Variants in DSCAM observed in about 807,000 individuals in gnomAD.
The protein encoded by DSCAM is DS cell adhesion molecule.
DSCAM carries 47 observed loss-of-function variants against 217.7 expected under a neutral mutation model. The observed-to-expected ratio is 0.22, with a 90% CI of 0.17 to 0.28. DSCAM has a LOEUF of 0.28. DSCAM is among the 10% of genes least tolerant of loss of function. The pLI, the probability that DSCAM is intolerant of heterozygous loss-of-function variation, is 1.00. For missense variants in DSCAM, 2,080 were observed against 2,618.3 expected (o/e 0.79, Z 4.49); for synonymous variants, 1,056 against 1,015.3 (o/e 1.04, Z -0.76).
intron 30 of DSCAM, among the ~76,000 whole-genome samples, chr21:40,047,762 A>G (rs897680868): frequency 1.3e-5 from 2 of 152,176 alleles, no homozygotes; most frequent in Non-Finnish European, 2.9e-5. Flanking sequence ...TCATGTAACT[A>G]AAAAATATTT....
At chr21:40,060,343 T>C (rs948935604) in intron 28 of DSCAM, among the ~76,000 whole-genome samples, 3 of 152,178 alleles carry the variant, frequency 2.0e-5, no homozygotes, top group Non-Finnish European at 2.9e-5. Flanking sequence ...CTCTAGAATA[T>C]GAGGAGAAGA....
At chr21:40,073,988 C>G (rs2089330391) in intron 27 of DSCAM, among the ~76,000 whole-genome samples, 1 of 152,136 alleles carries the variant, frequency 6.6e-6, no homozygotes, top group South Asian at 2.1e-4. Flanking sequence ...AGAGCAAAAG[C>G]AAGTTGATAG....
At chr21:40,141,975 T>TACACACACACACAC (rs72076559) in intron 18 of DSCAM, among the ~76,000 whole-genome samples, 6,579 of 142,986 alleles carry the variant, frequency 0.046, 229 homozygotes, top group Admixed American at 0.085. Context: ...CCACTTGAAA[T>TACACACACACACAC]ACACACACAC....
At chr21:40,622,742 A>C (rs538905795) in intron 3 of DSCAM, among the ~76,000 whole-genome samples, 5 of 152,110 alleles carry the variant, frequency 3.3e-5, no homozygotes, top group African/African-American at 4.8e-5. Context: ...TTGGCCTGAG[A>C]CCAAAAGTGG....
At chr21:40,047,259 A>AAGAT (rs1186660329) in intron 30 of DSCAM, among the ~76,000 whole-genome samples, 1 of 152,180 alleles carries the variant, frequency 6.6e-6, no homozygotes, top group Non-Finnish European at 1.5e-5. Flanking sequence ...GATAATGACT[A>AAGAT]AGATAGCAGC....
At chr21:40,112,409 T>A (rs2089910694) in intron 20 of DSCAM, among the ~76,000 whole-genome samples, 1 of 151,974 alleles carries the variant, frequency 6.6e-6, no homozygotes, top group African/African-American at 2.4e-5. Context: ...TGGGACACAT[T>A]TAAGACAGTA....
intron 11 of DSCAM, among the ~76,000 whole-genome samples, chr21:40,255,819 A>G (rs999273603): frequency 6.6e-6 from 1 of 152,180 alleles, no homozygotes; most frequent in African/African-American, 2.4e-5. Flanking sequence ...GGAAGCAGCG[A>G]TGTCTGTCTC....
intron 9 of DSCAM, among the ~76,000 whole-genome samples, chr21:40,306,760 A>G (rs1017572096): frequency 9.2e-5 from 14 of 152,146 alleles, no homozygotes; most frequent in African/African-American, 3.4e-4. Context: ...ATTTGCGTAT[A>G]TTGAACAAGC....
chr21:40,159,013 CATT>C (rs2090509304), intron 16 of DSCAM, among the ~76,000 whole-genome samples: 1 of 151,992 alleles, frequency 6.6e-6, no homozygotes, highest in Admixed American at 6.6e-5. Flanking sequence ...TGAAGGCACA[CATT>C]GTGTTTTTCT....
At chr21:40,078,607 T>C in intron 26 of DSCAM, 80 bp downstream of exon 26, 2 of 1,535,054 alleles carry the variant, frequency 1.3e-6, no homozygotes, top group Admixed American at 1.9e-5. Flanking sequence ...GCAAAGATGA[T>C]GTTCGATGGG....
chr21:40,182,097 A>G (rs2090810667), intron 14 of DSCAM, among the ~76,000 whole-genome samples: 1 of 152,086 alleles, frequency 6.6e-6, no homozygotes, highest in South Asian at 2.1e-4. Flanking sequence ...GGACTAATAT[A>G]AGAGAGTGGA....
At chr21:40,833,490 C>T (rs1025239971) in intron 1 of DSCAM, among the ~76,000 whole-genome samples, 4 of 152,158 alleles carry the variant, frequency 2.6e-5, no homozygotes, top group Admixed American at 6.5e-5. Flanking sequence ...CAGGATTAAT[C>T]ACATTATAAT....
At chr21:40,376,381 G>T (rs1278599198) in intron 3 of DSCAM, among the ~76,000 whole-genome samples, 1 of 144,208 alleles carries the variant, frequency 6.9e-6, no homozygotes, top group African/African-American at 2.5e-5. Context: ...AAATAGAAGT[G>T]GAAATAGAAG....
intron 3 of DSCAM, among the ~76,000 whole-genome samples, chr21:40,635,632 T>G (rs2089748566): frequency 6.6e-6 from 1 of 152,118 alleles, no homozygotes; most frequent in Non-Finnish European, 1.5e-5. Flanking sequence ...TGAGAATGTG[T>G]GGACAGTTAT....
At chr21:40,471,505 G>A (rs1014914071) in intron 3 of DSCAM, among the ~76,000 whole-genome samples, 5 of 152,162 alleles carry the variant, frequency 3.3e-5, no homozygotes, top group African/African-American at 4.8e-5. Flanking sequence ...AGTCTGCTCC[G>A]AGGGCTTGGC....
intron 3 of DSCAM, among the ~76,000 whole-genome samples, chr21:40,684,339 T>C (rs530155843): frequency 3.9e-5 from 6 of 152,270 alleles, no homozygotes; most frequent in African/African-American, 1.4e-4. Context: ...GCTCCTAGAC[T>C]GAGGATTCCA....
At chr21:40,531,163 C>T (rs2076443353) in intron 3 of DSCAM, among the ~76,000 whole-genome samples, 1 of 152,178 alleles carries the variant, frequency 6.6e-6, no homozygotes, top group Non-Finnish European at 1.5e-5. Context: ...AGAGCCAAAA[C>T]CACCAAGGCT....
intron 3 of DSCAM, among the ~76,000 whole-genome samples, chr21:40,515,185 A>G (rs2076290217): frequency 6.6e-6 from 1 of 152,124 alleles, no homozygotes; most frequent in African/African-American, 2.4e-5. Context: ...TCATTTAAGA[A>G]AAAATAAAAA....
At chr21:40,628,756 T>C (rs901363143) in intron 3 of DSCAM, among the ~76,000 whole-genome samples, 2 of 150,942 alleles carry the variant, frequency 1.3e-5, no homozygotes, top group Admixed American at 6.6e-5. Context: ...TATCTTTTCT[T>C]GTGTTTTTTG....
Sources: gnomAD v4.1 joint callset for allele counts (sites outside exome capture counted in the v4.1 genomes callset) on GRCh38, gnomAD v4.1.1 for gene constraint, MANE v1.5 for transcripts, NCBI Gene and HGNC (gene_info 2026-07-23, HGNC 2026-07-21) for gene names.